The following HELQ variants were observed in gnomAD, a reference collection of about 807,000 sequenced individuals.
The protein encoded by HELQ is helicase POLQ-like.
Under a neutral mutation model 111.6 loss-of-function variants are expected in HELQ, and 77 were observed. The ratio of observed to expected loss-of-function variants is 0.69; its 90% CI spans 0.57 to 0.83. The LOEUF is 0.83. Among genes scored for constraint, HELQ ranks in the 40% least tolerant of loss-of-function variants. HELQ has a pLI of 0.00. For synonymous variants in HELQ, 438 were observed against 454.7 expected (o/e 0.96, Z 0.47); for missense variants, 1,200 against 1,288.5 (o/e 0.93, Z 1.05).
intron 5 of HELQ, among the ~76,000 whole-genome samples, chr4:83,444,736 T>C (rs928255737): frequency 3.9e-5 from 6 of 152,218 alleles, no homozygotes; most frequent in African/African-American, 1.4e-4. Flanking sequence ...AGTATCCTTC[T>C]CATTCCATAA....
chr4:83,410,708 C>T (rs1051046383), intron 17 of HELQ, among the ~76,000 whole-genome samples: 2 of 152,126 alleles, frequency 1.3e-5, no homozygotes, highest in Admixed American at 6.5e-5. Context: ...CTGTGCTAGC[C>T]TTTGTGATTC....
rs546799071 is a variant in HELQ, at chr4:83,449,501, A to T, written c.1013-540T>A. ...GGTCCAAAACCATTTTAAACTGTTA[A>T]AACTCTTTAAACCACAAAAGACTAG... On this transcript the variant is annotated intron_variant, in intron 2 of 17. Coordinates refer to ENST00000295488, the MANE Select transcript of HELQ (RefSeq NM_133636.5). Among the ~76,000 whole-genome samples the T allele has an allele frequency of 2.0e-5, 3 of 152,354 alleles. No individual in the cohort carries two copies. In the East Asian group the frequency reaches 5.8e-4, roughly 29 times the overall value.
At chr4:83,416,272 G>T (rs1739354718) in intron 17 of HELQ, among the ~76,000 whole-genome samples, 1 of 151,292 alleles carries the variant, frequency 6.6e-6, no homozygotes, top group Admixed American at 6.6e-5. Context: ...GGGGGACAGG[G>T]TCTCAATCTG....
chr4:83,448,986 A>ATTATT, intron 2 of HELQ, 25 bp from the exon 3 acceptor site: 1 of 1,506,002 alleles, frequency 6.6e-7, no homozygotes, highest in Non-Finnish European at 9.0e-7. Flanking sequence ...AAAAAAAGGC[A>ATTATT]TTATTTTCCC....
At chr4:83,437,361 T>C (rs6535472) in intron 8 of HELQ, among the ~76,000 whole-genome samples, 13,630 of 152,020 alleles carry the variant, frequency 0.09, 2,055 homozygotes, top group African/African-American at 0.31. Context: ...GCCTGTAATC[T>C]CAGCACTTTG....
chr4:83,435,625 T>C (rs1578088549), intron 9 of HELQ, among the ~76,000 whole-genome samples: 1 of 151,296 alleles, frequency 6.6e-6, no homozygotes, highest in South Asian at 2.1e-4. Context: ...GAGGCAGTGG[T>C]AAGCAAAAAA....
At chr4:83,407,629 T>G in intron 17 of HELQ, 69 bp from the exon 18 acceptor site, 2 of 922,398 alleles carry the variant, frequency 2.2e-6, no homozygotes, top group Non-Finnish European at 3.5e-6. Context: ...ATTTTACCAC[T>G]GTCCATTGAA....
chr4:83,428,562 A>C (rs1719967542), intron 12 of HELQ, among the ~76,000 whole-genome samples: 1 of 152,164 alleles, frequency 6.6e-6, no homozygotes, highest in Non-Finnish European at 1.5e-5. Context: ...CCCTGTCAAA[A>C]ACAAGCAAAC....
rs562669445 is a variant in HELQ at position 83,444,475 on chromosome 4, G to A, written c.1466-861C>T. Among the ~76,000 whole-genome samples the A allele has an allele frequency of 6.8e-4, 83 of 122,036 alleles. 1 individual carries two copies. Among genetic ancestry groups the A allele is most frequent in the African/African-American group, 3.5e-3 (80 of 23,086 alleles). The allele number at this position is 122,036 out of a possible 152,430, so 80.1% of individuals were successfully genotyped here. On this transcript the variant is annotated intron_variant, in intron 5 of 17. Transcript: ENST00000295488. ...GGCTCACTGCAACCTCCACCTCCTGGGTTCAAGCAGTTCTCCTTGCCCCAA... is the reference window on the plus strand; with the variant it reads ...GGCTCACTGCAACCTCCACCTCCTGAGTTCAAGCAGTTCTCCTTGCCCCAA...
Position 83,421,090 on chromosome 4 carries a change from C to T in HELQ, c.2949+473G>A, listed in dbSNP as rs915628939. On this transcript the variant is annotated intron_variant, in intron 15 of 17. Transcript: ENST00000295488. ...CCTCCCAAAGTGCTAGGATTACAGGCGGGAGCCATGGCATCCAGTCAAAAT... is the reference window on the plus strand; with the variant it reads ...CCTCCCAAAGTGCTAGGATTACAGGTGGGAGCCATGGCATCCAGTCAAAAT... 3.3e-5 allele frequency among the ~76,000 whole-genome samples: 5 copies of T among 152,142 alleles called. No individual in the cohort carries two copies. The East Asian group carries it at 5.8e-4, about 18-fold the overall frequency.
intron 1 of HELQ, chr4:83,455,130 T>A: frequency 2.0e-6 from 1 of 492,890 alleles, no homozygotes; most frequent in South Asian, 2.6e-5. Context: ...ATTTTATTTG[T>A]ACAGTAGGAG....
intron 8 of HELQ, among the ~76,000 whole-genome samples, chr4:83,439,551 G>C (rs970446036): frequency 6.6e-6 from 1 of 151,562 alleles, no homozygotes; most frequent in African/African-American, 2.4e-5. Flanking sequence ...AGTAGAGATG[G>C]GGTTTCACCG....
At position 83,453,871 on chromosome 4, in the gene HELQ, G is replaced by A. The variant is rs1448471308; in HGVS notation, c.372C>T (p.Asp124=). ...FTENSFIAQV[D]DLEQKYMQLP... ...GTTGCATATATTTTTGTTCCAGGTC[G>A]TCAACTTGAGCTATAAAGGAGTTTT... The change falls in exon 2 of 18, where the codon GAC becomes GAT. Residue 124 remains aspartate (D), a synonymous_variant. Coordinates refer to ENST00000295488, the MANE Select transcript of HELQ (RefSeq NM_133636.5). 1.2e-6 allele frequency: 2 copies of A among 1,613,762 alleles called. No individual in the cohort carries two copies. The highest frequency in any genetic ancestry group is 1.3e-5 in the African/African-American group (1 of 74,990).
chr4:83,410,849 A>G (rs1016162787), intron 17 of HELQ, among the ~76,000 whole-genome samples: 32 of 152,036 alleles, frequency 2.1e-4, no homozygotes, highest in African/African-American at 7.7e-4. Flanking sequence ...TAGCATCCAC[A>G]CTGTAAGAAA....
At position 83,437,066 on chromosome 4, in the gene HELQ, AT is replaced by A; in HGVS notation, c.1839del (p.Lys613AsnfsTer4). ...TTCTTCAAGTTCTTAATCACCTCAC[AT>A]TTTTCTTTCTCCTTATGTTTCAGAT... is the stretch of plus-strand genomic sequence containing the variant. ...KEYLKHKEKE[K>X]CEVIKNLKNI... is the part of the protein sequence containing the mutation. On this transcript the variant is annotated frameshift_variant, in exon 9 of 18. Transcript: ENST00000295488. LOFTEE classifies it high-confidence loss of function. The A allele has an allele frequency of 6.2e-7, 1 of 1,613,454 alleles. No individual in the cohort carries two copies. The highest frequency in any genetic ancestry group is 1.1e-5 in the South Asian group (1 of 91,060).
Position 83,429,704 on chromosome 4 carries a change from T to C in HELQ, c.2338A>G (p.Thr780Ala). The change falls in exon 12 of 18, where the codon ACA becomes GCA. Residue 780 changes from threonine (T) to alanine (A), a missense_variant. This residue lies in a region of HELQ where 585 missense variants were observed against 665.3 expected (regional missense o/e 0.88). Coordinates refer to ENST00000295488, the MANE Select transcript of HELQ (RefSeq NM_133636.5). ...ACCTTTTGCTGAACACCAAAAAATG[T>C]ACCATTCATGAAATGATAGATGTCA... is the stretch of plus-strand genomic sequence containing the variant. ...LDDIYHFMNG[T>A]FFGVQQKVLL... is the part of the protein sequence containing the mutation. The C allele has an allele frequency of 6.2e-7, 1 of 1,613,380 alleles. No individual in the cohort carries two copies. The highest frequency in any genetic ancestry group is 1.3e-5 in the African/African-American group (1 of 75,022).
intron 2 of HELQ, among the ~76,000 whole-genome samples, chr4:83,450,818 T>C (rs1007099567): frequency 1.3e-5 from 2 of 152,006 alleles, no homozygotes; most frequent in African/African-American, 4.8e-5. Flanking sequence ...ATAAAAAAAT[T>C]AGCTGGGTAT....
At chr4:83,454,522 G>T (rs1185075029) in intron 1 of HELQ, among the ~76,000 whole-genome samples, 1 of 151,614 alleles carries the variant, frequency 6.6e-6, no homozygotes, top group Middle Eastern at 3.2e-3. Flanking sequence ...CGATCCTCCT[G>T]CCTCAGCCTC....
At chr4:83,422,978 C>T (rs905563240) in intron 14 of HELQ, among the ~76,000 whole-genome samples, 1 of 152,166 alleles carries the variant, frequency 6.6e-6, no homozygotes, top group African/African-American at 2.4e-5. Context: ...TTGAAAAATG[C>T]TTCCTGTAGT....
Sources: allele counts gnomAD v4.1 joint callset (sites outside exome capture counted in the v4.1 genomes callset), GRCh38; gene constraint gnomAD v4.1.1; regional missense constraint gnomAD v4.1.1; transcripts MANE v1.5; gene names NCBI Gene and HGNC (gene_info 2026-07-23, HGNC 2026-07-21).